VPS8: variants seen among roughly 807,000 people sequenced by gnomAD.
VPS8 encodes the protein VPS8 subunit of CORVET complex.
VPS8 carries 129 observed loss-of-function variants against 216.4 expected under a neutral mutation model. The ratio of observed to expected loss-of-function variants is 0.60; its 90% CI spans 0.52 to 0.69. The LOEUF is 0.69. Among genes scored for constraint, VPS8 ranks in the 30% least tolerant of loss-of-function variants. The pLI is 0.00. For missense variants in VPS8, 1,531 were observed against 1,683.5 expected, an observed-to-expected ratio of 0.91 and a Z score of 1.59; for synonymous variants, 571 against 565.4, an observed-to-expected ratio of 1.01 and a Z score of -0.14.
intron 45 of VPS8, among the ~76,000 whole-genome samples, chr3:185,000,576 T>C (rs762512610): frequency 4.0e-5 from 6 of 151,646 alleles, no homozygotes; most frequent in African/African-American, 4.8e-5. Flanking sequence ...CATCACATAG[T>C]GAAAAGTTGG....
At chr3:184,950,071 T>G (rs1744389806) in intron 36 of VPS8, among the ~76,000 whole-genome samples, 1 of 151,590 alleles carries the variant, frequency 6.6e-6, no homozygotes, top group East Asian at 1.9e-4. Context: ...CACCACGCCC[T>G]AATTTTTTAT....
chr3:184,976,394 G>GT (rs566108206), intron 40 of VPS8, among the ~76,000 whole-genome samples: 1 of 145,388 alleles, frequency 6.9e-6, no homozygotes, highest in South Asian at 2.2e-4. Flanking sequence ...TTTTTTTTTT[G>GT]TTTTTTCATT....
rs71162267 is a variant in VPS8, at chr3:184,842,186, CAAAAAAAAAAAAA to C, written c.536-1043_536-1031del. ...TGGGTGACAGAGCGAGACTCCGTCT[CAAAAAAAAAAAAA>C]AAAAAAAAAAGAATATGTGACTGCT... On this transcript the variant is annotated intron_variant, in intron 7 of 47. Transcript: ENST00000625842. Among the ~76,000 whole-genome samples the C allele has an allele frequency of 1.0e-4, 5 of 48,984 alleles. No individual in the cohort carries two copies. The South Asian group carries it at 3.8e-3, about 37-fold the overall frequency. 32.1% of individuals were successfully genotyped at this position (48,984 alleles called of 152,430 possible).
At chr3:185,019,599 G>A (rs566046335) in intron 45 of VPS8, among the ~76,000 whole-genome samples, 17 of 152,346 alleles carry the variant, frequency 1.1e-4, no homozygotes, top group South Asian at 4.1e-4. Flanking sequence ...GGCACAGATC[G>A]CTCATGCTAT....
chr3:185,044,458 T>C (rs534413866), intron 46 of VPS8, among the ~76,000 whole-genome samples: 1 of 152,236 alleles, frequency 6.6e-6, no homozygotes, highest in Non-Finnish European at 1.5e-5. Flanking sequence ...GACTGGCACA[T>C]GGTTATTACA....
chr3:184,996,199 T>C, intron 43 of VPS8, 133 bp from the exon 44 acceptor site: 1 of 1,063,232 alleles, frequency 9.4e-7, no homozygotes. Flanking sequence ...AACAATGTTA[T>C]CCCTTTATAG....
intron 1 of VPS8, among the ~76,000 whole-genome samples, chr3:184,817,869 C>T (rs1170552225): frequency 6.6e-6 from 1 of 152,080 alleles, no homozygotes; most frequent in Non-Finnish European, 1.5e-5. Flanking sequence ...AGAAAAGAGT[C>T]ACATGGTAAA....
At chr3:185,045,226 G>A (rs538579660) in intron 46 of VPS8, among the ~76,000 whole-genome samples, 1 of 47,418 alleles carries the variant, frequency 2.1e-5, no homozygotes, top group African/African-American at 9.3e-5. Flanking sequence ...ATCTTCTCAT[G>A]TGTTAGTGTA....
intron 14 of VPS8, among the ~76,000 whole-genome samples, chr3:184,858,150 A>T (rs999094382): frequency 1.6e-4 from 25 of 152,128 alleles, no homozygotes; most frequent in African/African-American, 5.8e-4. Context: ...CTTGTGCTTT[A>T]TATTTCTTCA....
At chr3:184,972,632 A>C (rs975132308) in intron 40 of VPS8, among the ~76,000 whole-genome samples, 2 of 152,204 alleles carry the variant, frequency 1.3e-5, no homozygotes, top group African/African-American at 4.8e-5. Context: ...CATGATTCCA[A>C]TGTGCAGCCA....
At chr3:184,835,989 A>G (rs776336352) in intron 5 of VPS8, among the ~76,000 whole-genome samples, 1 of 152,156 alleles carries the variant, frequency 6.6e-6, no homozygotes, top group Non-Finnish European at 1.5e-5. Context: ...GATTACAGGC[A>G]TGAGCCACCT....
In VPS8 at chr3:184,927,626, G is replaced by A. The variant is rs189835035; in HGVS notation, c.2632-825G>A. Among the ~76,000 whole-genome samples, 177 of 152,206 alleles carry A rather than the reference G, an allele frequency of 1.2e-3. 1 individual carries two copies. Among genetic ancestry groups the A allele is most frequent in the African/African-American group, 4.1e-3 (170 of 41,516 alleles). On this transcript the variant is annotated intron_variant, in intron 31 of 47. Coordinates refer to ENST00000625842, the MANE Select transcript of VPS8 (RefSeq NM_001009921.3). ...TTTACCATTTTAACCATTTTTAAGTGTATACATCAGTGGTATTCACATTGT... is the reference window on the plus strand; with the variant it reads ...TTTACCATTTTAACCATTTTTAAGTATATACATCAGTGGTATTCACATTGT...
chr3:184,971,469 C>T (rs550972007), intron 39 of VPS8, among the ~76,000 whole-genome samples, 180 bp from the exon 40 acceptor site: 1 of 152,276 alleles, frequency 6.6e-6, no homozygotes, highest in Non-Finnish European at 1.5e-5. Flanking sequence ...CTGTGGGAAA[C>T]TCTTATTTCA....
intron 42 of VPS8, among the ~76,000 whole-genome samples, chr3:184,989,101 G>A (rs969192953): frequency 3.3e-5 from 5 of 151,998 alleles, no homozygotes; most frequent in African/African-American, 1.2e-4. Flanking sequence ...TATATCTTTT[G>A]TTTCCTTTTC....
chr3:184,854,505 C>T (rs1180878044), intron 13 of VPS8, among the ~76,000 whole-genome samples: 1 of 152,210 alleles, frequency 6.6e-6, no homozygotes, highest in Non-Finnish European at 1.5e-5. Flanking sequence ...TGTGGTCACA[C>T]CTAACTTCAT....
chr3:184,821,056 T>C (rs568757130), intron 1 of VPS8, among the ~76,000 whole-genome samples: 3 of 152,344 alleles, frequency 2.0e-5, no homozygotes, highest in Non-Finnish European at 4.4e-5. Flanking sequence ...TAGAAAACTT[T>C]GAAAATTTTG....
At position 184,913,530 on chromosome 3, in the gene VPS8, G is replaced by C. The variant is rs757237919; in HGVS notation, c.2158G>C (p.Val720Leu). ...TCTTTCTATTTTAGATGAACAAGTT[G>C]TTATGGGCAATAAGCTCCTTGTATA... ...AGKTLTDEQV[V>L]MGNKLLVYIS... Residue 720 changes from valine (V) to leucine (L), a missense_variant, in exon 26 of 48, where the codon GTT becomes CTT. Val to Leu is a conservative substitution (Grantham distance 32, BLOSUM62 1). Transcript: ENST00000625842. 1 of 1,588,030 alleles carries C rather than the reference G, an allele frequency of 6.3e-7. No individual in the cohort carries two copies. The highest frequency in any genetic ancestry group is 8.6e-7 in the Non-Finnish European group (1 of 1,167,672).
chr3:184,890,480 A>G (rs1732139362), intron 22 of VPS8, among the ~76,000 whole-genome samples: 1 of 152,152 alleles, frequency 6.6e-6, no homozygotes, highest in Non-Finnish European at 1.5e-5. Context: ...GGGTGAAATT[A>G]TAAACATAAT....
intron 40 of VPS8, among the ~76,000 whole-genome samples, chr3:184,975,778 A>G (rs1338578320): frequency 1.3e-5 from 2 of 152,124 alleles, no homozygotes; most frequent in Non-Finnish European, 2.9e-5. Flanking sequence ...GAATTTTGTC[A>G]AATGCTTTTT....
Sources: allele counts gnomAD v4.1 joint callset (sites outside exome capture counted in the v4.1 genomes callset), GRCh38; gene constraint gnomAD v4.1.1; transcripts MANE v1.5; gene names NCBI Gene and HGNC (gene_info 2026-07-23, HGNC 2026-07-21).